Variants in SLC8A1 observed in about 807,000 individuals in gnomAD.
The protein encoded by SLC8A1 is sodium/calcium exchanger 1.
In SLC8A1, 18 loss-of-function variants were observed where a neutral mutation model predicts 68.3. The observed-to-expected ratio is 0.26, with a 90% CI of 0.18 to 0.39. The LOEUF is 0.39. SLC8A1 is among the 10% of genes least tolerant of loss of function. The pLI is 1.00. For synonymous variants in SLC8A1, 475 were observed against 415.5 expected, an observed-to-expected ratio of 1.14 and a Z score of -1.74; for missense variants, 985 against 1,156.7, an observed-to-expected ratio of 0.85 and a Z score of 2.15.
chr2:40,390,176 A>G (rs1041906432), intron 2 of SLC8A1, among the ~76,000 whole-genome samples: 1 of 152,098 alleles, frequency 6.6e-6, no homozygotes, highest in Non-Finnish European at 1.5e-5. Context: ...AGAAACTGTA[A>G]TTGTTTTAGA....
At chr2:40,254,965 A>ATTCC (rs1340448709) in intron 2 of SLC8A1, 1 of 151,950 alleles carries the variant, frequency 6.6e-6, no homozygotes, top group African/African-American at 2.4e-5. Flanking sequence ...TGAGTCTTCC[A>ATTCC]TTCCTTCTAT....
intron 2 of SLC8A1, among the ~76,000 whole-genome samples, chr2:40,276,527 C>A (rs1338842329): frequency 6.6e-6 from 1 of 152,166 alleles, no homozygotes; most frequent in Non-Finnish European, 1.5e-5. Context: ...ATTCCTTCTT[C>A]ATGGAAACTA....
chr2:40,453,634 C>A (rs1702812505), upstream of SLC8A1, among the ~76,000 whole-genome samples: 1 of 152,172 alleles, frequency 6.6e-6, no homozygotes, highest in African/African-American at 2.4e-5. Flanking sequence ...CAGGTGGGCC[C>A]CAGACAGCCT....
In SLC8A1 at chr2:40,323,089, C is replaced by G. The variant is rs375311918; in HGVS notation, c.1808+105384G>C. ...AGAGATTACTGACAGAAGGTAGGAGCATTTACAGAAATATTCTTATTTGTA... is the reference window on the plus strand; with the variant it reads ...AGAGATTACTGACAGAAGGTAGGAGGATTTACAGAAATATTCTTATTTGTA... On this transcript the variant is annotated intron_variant, in intron 2 of 7. Coordinates refer to ENST00000406785, the Ensembl canonical transcript of SLC8A1. 3.3e-5 allele frequency among the ~76,000 whole-genome samples: 5 copies of G among 152,060 alleles called. No homozygotes were observed. The South Asian group carries it at 6.2e-4, about 19-fold the overall frequency.
intron 2 of SLC8A1, among the ~76,000 whole-genome samples, chr2:40,350,586 GC>G (rs1670752006): frequency 7.1e-5 from 1 of 14,098 alleles, no homozygotes; most frequent in African/African-American, 2.6e-4. Flanking sequence ...ACCCAGACAA[GC>G]AAAAAAAAAA....
chr2:40,229,033 T>C (rs2059328283), intron 2 of SLC8A1, among the ~76,000 whole-genome samples: 1 of 152,182 alleles, frequency 6.6e-6, no homozygotes, highest in Non-Finnish European at 1.5e-5. Flanking sequence ...TTACATGCAG[T>C]GCCAAAATGT....
At chr2:40,462,994 C>T (rs911411436) in intron 1 of SLC8A1, among the ~76,000 whole-genome samples, 1 of 148,146 alleles carries the variant, frequency 6.8e-6, no homozygotes, top group Admixed American at 6.8e-5. Context: ...CTGTGTTAGA[C>T]ACAATGGAAT....
intron 2 of SLC8A1, chr2:40,254,549 A>G (rs2063567945): frequency 6.7e-6 from 1 of 148,196 alleles, no homozygotes; most frequent in Non-Finnish European, 1.5e-5. Context: ...AGTCTCTTGA[A>G]CTCTTGAAAA....
chr2:40,423,374 T>C (rs1375610539), intron 2 of SLC8A1, among the ~76,000 whole-genome samples: 4 of 152,124 alleles, frequency 2.6e-5, no homozygotes, highest in Non-Finnish European at 5.9e-5. Flanking sequence ...ATATACACCA[T>C]CTCATTATCT....
intron 1 of SLC8A1, among the ~76,000 whole-genome samples, chr2:40,475,116 A>G (rs1704201908): frequency 6.6e-6 from 1 of 151,878 alleles, no homozygotes; most frequent in Non-Finnish European, 1.5e-5. Flanking sequence ...TCTTTCTGCT[A>G]TAAAAATTAT....
intron 1 of SLC8A1, among the ~76,000 whole-genome samples, chr2:40,507,598 A>T (rs1173932739): frequency 6.6e-6 from 1 of 152,026 alleles, no homozygotes; most frequent in African/African-American, 2.4e-5. Context: ...CACGGAAATG[A>T]CTGTGGAGCA....
chr2:40,236,066 T>A (rs563384638), intron 2 of SLC8A1, among the ~76,000 whole-genome samples: 1 of 152,052 alleles, frequency 6.6e-6, no homozygotes, highest in African/African-American at 2.4e-5. Flanking sequence ...CTGAAAAAAA[T>A]GTATATTCTG....
At chr2:40,431,433 G>A (rs1391233471) in intron 1 of SLC8A1, among the ~76,000 whole-genome samples, 2 of 152,088 alleles carry the variant, frequency 1.3e-5, no homozygotes, top group African/African-American at 4.8e-5. Flanking sequence ...TGGCAACAGA[G>A]TCAGTGAGCA....
intron 1 of SLC8A1, among the ~76,000 whole-genome samples, chr2:40,502,332 G>T (rs77599195): frequency 0.012 from 1,854 of 152,002 alleles, 27 homozygotes; most frequent in African/African-American, 0.043. Flanking sequence ...GCGGACTATG[G>T]TCTGGTTTTC....
intron 2 of SLC8A1, among the ~76,000 whole-genome samples, chr2:40,247,752 G>T (rs1171861750): frequency 6.6e-6 from 1 of 152,216 alleles, no homozygotes; most frequent in Admixed American, 6.5e-5. Context: ...GGGACTTAGG[G>T]ATTATCCCTG....
At chr2:40,301,105 T>G (rs943712227) in intron 2 of SLC8A1, among the ~76,000 whole-genome samples, 1 of 152,162 alleles carries the variant, frequency 6.6e-6, no homozygotes, top group African/African-American at 2.4e-5. Context: ...TGCATCTTGA[T>G]TTTTGCACTA....
At chr2:40,230,299 C>G (rs759012467) in intron 2 of SLC8A1, among the ~76,000 whole-genome samples, 2 of 152,172 alleles carry the variant, frequency 1.3e-5, no homozygotes, top group Non-Finnish European at 2.9e-5. Context: ...GCCTGTGACA[C>G]ATAAGCTTCT....
intron 2 of SLC8A1, among the ~76,000 whole-genome samples, chr2:40,315,247 G>T (rs767262091): frequency 2.6e-5 from 4 of 151,832 alleles, no homozygotes; most frequent in African/African-American, 9.7e-5. Flanking sequence ...CTATTGAGAT[G>T]ATCATATGTT....
At chr2:40,267,407 C>G (rs2065486697) in intron 2 of SLC8A1, among the ~76,000 whole-genome samples, 1 of 152,148 alleles carries the variant, frequency 6.6e-6, no homozygotes, top group Non-Finnish European at 1.5e-5. Flanking sequence ...TAATATTTTC[C>G]TGTCATGCCA....
Sources: gnomAD v4.1 joint callset for allele counts (sites outside exome capture counted in the v4.1 genomes callset) on GRCh38, gnomAD v4.1.1 for gene constraint, MANE v1.5 for transcripts, NCBI Gene and HGNC (gene_info 2026-07-23, HGNC 2026-07-21) for gene names.